Variants in PIK3C2G observed in about 807,000 individuals in gnomAD.
PIK3C2G encodes phosphatidylinositol-4-phosphate 3-kinase catalytic subunit type 2 gamma, also known as phosphatidylinositol 3-kinase C2 domain-containing subunit gamma.
In PIK3C2G, 168 loss-of-function variants were observed where a neutral mutation model predicts 181.1. The ratio of observed to expected loss-of-function variants is 0.93; its 90% CI spans 0.82 to 1.05. The LOEUF (loss-of-function observed/expected upper bound fraction) is 1.05. Among genes scored for constraint, PIK3C2G ranks in the 50% least tolerant of loss-of-function variants. PIK3C2G has a pLI of 0.00. For missense variants in PIK3C2G, 1,869 were observed against 1,732.8 expected (o/e 1.08, Z -1.40); for synonymous variants, 573 against 592.2 (o/e 0.97, Z 0.47).
intron 1 of PIK3C2G, among the ~76,000 whole-genome samples, chr12:18,278,471 A>G (rs1384554929): frequency 6.6e-6 from 1 of 152,188 alleles, no homozygotes; most frequent in Admixed American, 6.6e-5. Flanking sequence ...GCTAATTAGG[A>G]AACTTAATTT....
At chr12:18,631,721 G>C (rs149634601) in intron 31 of PIK3C2G, among the ~76,000 whole-genome samples, 1 of 152,320 alleles carries the variant, frequency 6.6e-6, no homozygotes, top group African/African-American at 2.4e-5. Flanking sequence ...TTGGTACATA[G>C]TGGATTTGAA....
the PIK3C2G span, chr12:18,696,267 C>A: frequency 1.4e-6 from 2 of 1,442,806 alleles, no homozygotes; most frequent in Non-Finnish European, 1.9e-6. Context: ...AACTCATGGA[C>A]TGAAAAAGAA....
chr12:18,691,403 A>G, the PIK3C2G span, among the ~76,000 whole-genome samples: 12,737 of 152,214 alleles, frequency 0.084, 623 homozygotes, highest in Non-Finnish European at 0.1. Context: ...ATGTCCAATT[A>G]AAGACTTGAG....
intron 11 of PIK3C2G, among the ~76,000 whole-genome samples, chr12:18,360,107 A>AT (rs1339194231): frequency 6.8e-6 from 1 of 147,776 alleles, no homozygotes; most frequent in African/African-American, 2.5e-5. Context: ...ACTTGCTTTG[A>AT]TTTTTTTCGT....
At chr12:18,403,021 T>C (rs1235656267) in intron 16 of PIK3C2G, among the ~76,000 whole-genome samples, 1 of 152,176 alleles carries the variant, frequency 6.6e-6, no homozygotes, top group Non-Finnish European at 1.5e-5. Flanking sequence ...CAGGCATTCA[T>C]GAGAGCTTAT....
the PIK3C2G span, among the ~76,000 whole-genome samples, chr12:18,681,910 T>C: frequency 6.6e-6 from 1 of 152,012 alleles, no homozygotes; most frequent in African/African-American, 2.4e-5. Context: ...TTTCATGGAA[T>C]TCCAGATCTT....
In PIK3C2G at chr12:18,488,436, C is replaced by G. The variant is rs1420632939; in HGVS notation, c.2505-13C>G. 6.8e-7 allele frequency: 1 copy of G among 1,480,044 alleles called. No homozygotes were observed. Among genetic ancestry groups the G allele is most frequent in the Non-Finnish European group, 9.0e-7 (1 of 1,113,364 alleles). 91.7% of individuals were successfully genotyped at this position (1,480,044 alleles called of 1,614,324 possible). On this transcript the variant is annotated splice_polypyrimidine_tract_variant and intron_variant, in intron 18 of 32. Transcript: ENST00000538779. ...TTTACATACAAGAATTTTTTTCTCT[C>G]TCTTTCCTTCAGGCTGCTAAAAAAT...
At chr12:18,539,608 T>A (rs1173095637) in intron 25 of PIK3C2G, among the ~76,000 whole-genome samples, 1 of 151,922 alleles carries the variant, frequency 6.6e-6, no homozygotes, top group African/African-American at 2.4e-5. Flanking sequence ...GCTAGTGGCA[T>A]CATATTGGTC....
At chr12:18,447,174 A>G (rs571648312) in intron 18 of PIK3C2G, among the ~76,000 whole-genome samples, 182 of 152,268 alleles carry the variant, frequency 1.2e-3, no homozygotes, top group African/African-American at 4.3e-3. Flanking sequence ...ATCACTTTTT[A>G]CTCAGGGCCA....
chr12:18,283,865 C>T (rs866596194), intron 2 of PIK3C2G, among the ~76,000 whole-genome samples: 14 of 152,048 alleles, frequency 9.2e-5, no homozygotes, highest in African/African-American at 3.4e-4. Flanking sequence ...GTTGAATAGG[C>T]AGTATGGAAC....
chr12:18,450,462 C>T (rs894596870), intron 18 of PIK3C2G, among the ~76,000 whole-genome samples: 1 of 152,076 alleles, frequency 6.6e-6, no homozygotes, highest in Non-Finnish European at 1.5e-5. Flanking sequence ...GTTTAAGTTC[C>T]TTGTAGATTC....
intron 29 of PIK3C2G, among the ~76,000 whole-genome samples, chr12:18,574,914 T>TA (rs982443534): frequency 6.6e-6 from 1 of 151,918 alleles, no homozygotes; most frequent in Non-Finnish European, 1.5e-5. Context: ...TCAGTACATA[T>TA]AAAAAAAACT....
chr12:18,445,066 T>G (rs903420021), intron 18 of PIK3C2G, among the ~76,000 whole-genome samples: 4 of 152,106 alleles, frequency 2.6e-5, no homozygotes, highest in Non-Finnish European at 5.9e-5. Context: ...TGAATGGTGT[T>G]TGGATGGCCA....
downstream of PIK3C2G, among the ~76,000 whole-genome samples, chr12:18,650,712 C>CTATATATATCTA (rs1950456520): frequency 6.8e-5 from 1 of 14,620 alleles, no homozygotes; most frequent in African/African-American, 2.9e-4. Context: ...GTGTATATAT[C>CTATATATATCTA]TATATATATA....
chr12:18,712,852 T>C, the PIK3C2G span: 13 of 1,613,702 alleles, frequency 8.1e-6, no homozygotes, highest in African/African-American at 1.7e-4. Context: ...CATGAATGCA[T>C]ACTTGTGTAT....
At chr12:18,538,482 T>A (rs926970718) in intron 25 of PIK3C2G, among the ~76,000 whole-genome samples, 170 bp downstream of exon 25, 1 of 151,972 alleles carries the variant, frequency 6.6e-6, no homozygotes, top group Non-Finnish European at 1.5e-5. Context: ...TTCTTAATAA[T>A]TTAATATGTT....
intron 18 of PIK3C2G, among the ~76,000 whole-genome samples, chr12:18,445,891 C>G (rs953940257): frequency 3.3e-5 from 5 of 152,094 alleles, no homozygotes; most frequent in Admixed American, 6.6e-5. Context: ...TAGAACATCT[C>G]TGAATGGATA....
At chr12:18,328,306 G>C (rs1285266044) in intron 8 of PIK3C2G, among the ~76,000 whole-genome samples, 1 of 151,914 alleles carries the variant, frequency 6.6e-6, no homozygotes, top group Admixed American at 6.6e-5. Context: ...TCAGGTTTAA[G>C]TAATTCAGTG....
intron 31 of PIK3C2G, among the ~76,000 whole-genome samples, chr12:18,637,205 C>T (rs1949641797): frequency 1.3e-5 from 2 of 152,054 alleles, no homozygotes; most frequent in African/African-American, 4.8e-5. Context: ...CGTAAAAACC[C>T]ATAGGTCCCT....
Sources: gnomAD v4.1 joint callset for allele counts (sites outside exome capture counted in the v4.1 genomes callset) on GRCh38, gnomAD v4.1.1 for gene constraint, MANE v1.5 for transcripts, NCBI Gene and HGNC (gene_info 2026-07-23, HGNC 2026-07-21) for gene names.